The following TTBK2 variants were observed in gnomAD, a reference collection of about 807,000 sequenced individuals.
TTBK2 encodes the protein tau-tubulin kinase 2.
In TTBK2, 28 loss-of-function variants were observed where a neutral mutation model predicts 110.8. That is an observed-to-expected ratio of 0.25 (90% CI 0.19 to 0.35). TTBK2 has a LOEUF of 0.35. Among genes scored for constraint, TTBK2 ranks in the 10% least tolerant of loss-of-function variants. The pLI is 1.00. For synonymous variants in TTBK2, 532 were observed against 527.3 expected (o/e 1.01, Z -0.12); for missense variants, 1,369 against 1,500.3 (o/e 0.91, Z 1.45).
At chr15:42,867,306 TA>T (rs1894416565) in intron 3 of TTBK2, among the ~76,000 whole-genome samples, 1 of 151,448 alleles carries the variant, frequency 6.6e-6, no homozygotes. Context: ...CCAAAGTTTT[TA>T]CTTTAGGAAA....
At chr15:42,762,994 A>G (rs1229796824) in intron 13 of TTBK2, among the ~76,000 whole-genome samples, 1 of 148,370 alleles carries the variant, frequency 6.7e-6, no homozygotes, top group African/African-American at 2.5e-5. Context: ...AGATAGGGAA[A>G]GATTTGTTAA....
At chr15:42,796,225 G>A (rs1470418782) in intron 9 of TTBK2, among the ~76,000 whole-genome samples, 1 of 152,140 alleles carries the variant, frequency 6.6e-6, no homozygotes, top group Non-Finnish European at 1.5e-5. Context: ...CCAACATGGT[G>A]AAACTCTATC....
intron 6 of TTBK2, among the ~76,000 whole-genome samples, chr15:42,823,105 A>C (rs1018308347): frequency 6.6e-6 from 1 of 152,234 alleles, no homozygotes; most frequent in African/African-American, 2.4e-5. Context: ...AAAGACTTTA[A>C]ACATTTTTCT....
At chr15:42,863,571 AAAAATTCT>A (rs1894245072) in intron 3 of TTBK2, among the ~76,000 whole-genome samples, 1 of 152,212 alleles carries the variant, frequency 6.6e-6, no homozygotes, top group South Asian at 2.1e-4. Flanking sequence ...AATTAGAAAA[AAAAATTCT>A]AAAATTCTAA....
intron 13 of TTBK2, among the ~76,000 whole-genome samples, chr15:42,767,311 CA>C (rs968115379): frequency 5.9e-5 from 9 of 152,010 alleles, no homozygotes; most frequent in African/African-American, 2.2e-4. Context: ...TTCAAAAAAT[CA>C]ATGAATCCAG....
At chr15:42,801,694 C>G (rs370869412) in intron 9 of TTBK2, 1 of 889,178 alleles carries the variant, frequency 1.1e-6, no homozygotes. Flanking sequence ...CAGATGTATC[C>G]GAGATCTGGG....
chr15:42,917,012 C>T (rs2031116106), intron 1 of TTBK2, among the ~76,000 whole-genome samples: 1 of 151,966 alleles, frequency 6.6e-6, no homozygotes, highest in Non-Finnish European at 1.5e-5. Flanking sequence ...ATTCTGAAAA[C>T]ATGGTTAAAT....
At chr15:42,754,616 T>C (rs937060085) in intron 13 of TTBK2, among the ~76,000 whole-genome samples, 4 of 148,800 alleles carry the variant, frequency 2.7e-5, no homozygotes, top group Admixed American at 6.7e-5. Flanking sequence ...AGGTTGGTCT[T>C]GAACTCCCGA....
At chr15:42,890,324 T>C (rs942221946) in intron 1 of TTBK2, among the ~76,000 whole-genome samples, 1 of 152,176 alleles carries the variant, frequency 6.6e-6, no homozygotes, top group East Asian at 1.9e-4. Context: ...ACAAACCTGT[T>C]TGGTGGCCTC....
rs201136948 is a variant in TTBK2, at chr15:42,871,554, C to A, written c.217+1057G>T. The A allele has an allele frequency of 3.3e-5, 33 of 985,326 alleles. No homozygotes were observed. The East Asian group carries it at 2.6e-3, about 78-fold the overall frequency. 61.0% of individuals were successfully genotyped at this position (985,326 alleles called of 1,614,324 possible). On this transcript the variant is annotated intron_variant, in intron 3 of 14. Coordinates refer to ENST00000267890, the MANE Select transcript of TTBK2 (RefSeq NM_173500.4). Reference sequence around the variant, plus strand: ...GCTTGGCTGATAGTAAAACAGGTATCCTGGGATCTGTGCAACCCAGGAAGA... The same window carrying A: ...GCTTGGCTGATAGTAAAACAGGTATACTGGGATCTGTGCAACCCAGGAAGA...
At chr15:42,770,892 C>T (rs758437899) in intron 13 of TTBK2, among the ~76,000 whole-genome samples, 8 of 152,132 alleles carry the variant, frequency 5.3e-5, no homozygotes, top group African/African-American at 7.2e-5. Flanking sequence ...TTCACACAGT[C>T]ACTGTAGTTT....
At chr15:42,919,866 G>T in intron 1 of TTBK2, 1 of 975,866 alleles carries the variant, frequency 1.0e-6, no homozygotes, top group East Asian at 1.1e-4. Context: ...ATATACGTGA[G>T]TCTTTTGTCC....
chr15:42,764,615 T>C (rs1012146011), intron 13 of TTBK2, among the ~76,000 whole-genome samples: 10 of 152,248 alleles, frequency 6.6e-5, no homozygotes, highest in Middle Eastern at 3.2e-3. Flanking sequence ...AAGCTCGAAC[T>C]GGGCAGAGCC....
In TTBK2 at chr15:42,746,365, G is replaced by A. The variant is rs1202762890; in HGVS notation, c.3273-108C>T. Reference sequence around the variant, plus strand: ...GTGAATGTGTAGAAATCAGAAAATAGACTAACAGGATACAGGGTTACTCTG... The same window carrying A: ...GTGAATGTGTAGAAATCAGAAAATAAACTAACAGGATACAGGGTTACTCTG... On this transcript the variant is annotated intron_variant, in intron 14 of 14. Coordinates refer to ENST00000267890, the MANE Select transcript of TTBK2 (RefSeq NM_173500.4). 2.0e-5 allele frequency: 17 copies of A among 856,362 alleles called. No individual in the cohort carries two copies. In the Admixed American group the frequency reaches 3.6e-4, roughly 18 times the overall value. The allele number at this position is 856,362 out of a possible 1,614,324, so 53.0% of individuals were successfully genotyped here.
At chr15:42,914,397 G>A (rs1455911179) in intron 1 of TTBK2, among the ~76,000 whole-genome samples, 2 of 152,108 alleles carry the variant, frequency 1.3e-5, no homozygotes, top group East Asian at 3.9e-4. Context: ...CTGGACCCTA[G>A]CTACAGAGAC....
chr15:42,875,083 CCTTT>C (rs1403405910), intron 2 of TTBK2, among the ~76,000 whole-genome samples: 1 of 152,020 alleles, frequency 6.6e-6, no homozygotes, highest in Non-Finnish European at 1.5e-5. Flanking sequence ...CAAACAGATT[CCTTT>C]CTAACTAAGG....
chr15:42,898,352 G>A (rs867797440), intron 1 of TTBK2, among the ~76,000 whole-genome samples: 2 of 151,802 alleles, frequency 1.3e-5, no homozygotes, highest in African/African-American at 2.4e-5. Context: ...TCAGGAGTTC[G>A]GGACCAACAT....
chr15:42,918,805 A>C (rs2031221586), intron 1 of TTBK2, among the ~76,000 whole-genome samples: 1 of 152,224 alleles, frequency 6.6e-6, no homozygotes, highest in Non-Finnish European at 1.5e-5. Flanking sequence ...ACTTAAAATC[A>C]AAAGAAGATA....
chr15:42,822,364 G>C (rs2140964310), intron 6 of TTBK2, among the ~76,000 whole-genome samples: 1 of 152,116 alleles, frequency 6.6e-6, no homozygotes, highest in South Asian at 2.1e-4. Context: ...GAAAAAGAAA[G>C]TAAAAAAGTG....
Sources: allele counts gnomAD v4.1 joint callset (sites outside exome capture counted in the v4.1 genomes callset), GRCh38; gene constraint gnomAD v4.1.1; transcripts MANE v1.5; gene names NCBI Gene and HGNC (gene_info 2026-07-23, HGNC 2026-07-21).